Variants in CYFIP2 observed in about 807,000 individuals in gnomAD.
CYFIP2 encodes cytoplasmic FMR1-interacting protein 2.
CYFIP2 carries 29 observed loss-of-function variants against 158.7 expected under a neutral mutation model. That is an observed-to-expected ratio of 0.18 (90% CI 0.14 to 0.25). The LOEUF is 0.25. CYFIP2 is among the 10% of genes least tolerant of loss of function. The pLI is 1.00. For missense variants in CYFIP2, 852 were observed against 1,639.5 expected (o/e 0.52, Z 8.29); for synonymous variants, 585 against 617.6 (o/e 0.95, Z 0.78).
Position 157,309,809 on chromosome 5 carries a change from G to A in CYFIP2, c.967G>A (p.Ala323Thr), listed in dbSNP as rs766783609. The change falls in exon 10 of 31, where the codon GCT becomes ACT. Residue 323 changes from alanine to threonine, a missense_variant. This residue lies in a region of CYFIP2 where 133 missense variants were observed against 197.1 expected (regional missense o/e 0.67). Coordinates refer to ENST00000620254, the MANE Select transcript of CYFIP2 (RefSeq NM_001037333.3). Reference sequence around the variant, plus strand: ...GCTGGCCAGATACATTAAGACCAGTGCTCACTATGAAGAGAACAAGTCCAA... The same window carrying A: ...GCTGGCCAGATACATTAAGACCAGTACTCACTATGAAGAGAACAAGTCCAA... ...IELARYIKTS[A>T]HYEENKSKWT... is the part of the protein sequence containing the mutation. 2 of 1,603,106 alleles carry A rather than the reference G, an allele frequency of 1.2e-6. No homozygotes were observed. Among genetic ancestry groups the A allele is most frequent in the Non-Finnish European group, 1.7e-6 (2 of 1,175,004 alleles).
chr5:157,383,480 A>G (rs914074578), intron 28 of CYFIP2, 121 bp downstream of exon 28: 39 of 864,574 alleles, frequency 4.5e-5, no homozygotes, highest in Non-Finnish European at 6.5e-5. Context: ...ACAATGTCCA[A>G]TACCCAAAAA....
chr5:157,268,184 C>T (rs1384088034), intron 1 of CYFIP2, among the ~76,000 whole-genome samples: 1 of 152,256 alleles, frequency 6.6e-6, no homozygotes, highest in African/African-American at 2.4e-5. Flanking sequence ...CATTAGCTCT[C>T]TGCTCACTAA....
chr5:157,376,788 T>C (rs1046885217), intron 26 of CYFIP2: 3 of 420,452 alleles, frequency 7.1e-6, no homozygotes, highest in Admixed American at 2.5e-5. Flanking sequence ...TCCCCTGGGG[T>C]CAGCCTCCAT....
At chr5:157,390,422 T>G (rs1049822600) in intron 29 of CYFIP2, 99 bp from the exon 30 acceptor site, 5 of 1,198,902 alleles carry the variant, frequency 4.2e-6, no homozygotes, top group African/African-American at 3.1e-5. Flanking sequence ...AAGACAGGCC[T>G]GCTTAGTAGC....
intron 26 of CYFIP2, among the ~76,000 whole-genome samples, chr5:157,362,331 C>T (rs1763912303): frequency 1.3e-5 from 2 of 151,884 alleles, no homozygotes; most frequent in South Asian, 4.1e-4. Flanking sequence ...GCCAGCACAT[C>T]TGTTTGGTGT....
intron 22 of CYFIP2, among the ~76,000 whole-genome samples, chr5:157,340,430 A>G (rs895553082): frequency 3.3e-5 from 5 of 152,238 alleles, no homozygotes; most frequent in South Asian, 2.1e-4. Context: ...GGGAGCAGCA[A>G]ACTGTGGCTC....
chr5:157,304,470 A>G (rs1759049033), intron 8 of CYFIP2, 104 bp downstream of exon 8: 3 of 1,324,056 alleles, frequency 2.3e-6, no homozygotes, highest in Non-Finnish European at 3.1e-6. Flanking sequence ...TTTCTTAAAC[A>G]TTGATACAGA....
intron 8 of CYFIP2, among the ~76,000 whole-genome samples, chr5:157,307,216 G>A (rs1329422941): frequency 6.6e-6 from 1 of 152,172 alleles, no homozygotes; most frequent in African/African-American, 2.4e-5. Context: ...AGAAAGAGGT[G>A]GATACTTTCA....
intron 23 of CYFIP2, 139 bp from the exon 24 acceptor site, chr5:157,358,866 C>T: frequency 4.4e-6 from 5 of 1,129,442 alleles, no homozygotes; most frequent in Non-Finnish European, 6.5e-6. Context: ...CACCATTTTG[C>T]AAACATATTC....
Position 157,394,474 on chromosome 5 carries a change from T to C in CYFIP2, c.*1474T>C, listed in dbSNP as rs539203238. 2.6e-5 allele frequency: 4 copies of C among 152,360 alleles called. No homozygotes were observed. Among genetic ancestry groups the C allele is most frequent in the African/African-American group, 9.6e-5 (4 of 41,586 alleles). The allele number at this position is 152,360 out of a possible 1,614,324, so 9.4% of individuals were successfully genotyped here. On this transcript the variant is annotated 3_prime_UTR_variant, in exon 31 of 31. Transcript: ENST00000620254. The stretch of plus-strand genomic sequence containing the variant: ...GCAAGAGGTTTGTGTGATGCACTTA[T>C]GTCCTCCGGTGAGGAAAGGGGGCCA...
chr5:157,362,735 A>G (rs2113374819), intron 26 of CYFIP2: 1 of 152,398 alleles, frequency 6.6e-6, no homozygotes, highest in Middle Eastern at 3.4e-3. Context: ...TGTTACAGCA[A>G]GAGCTAGGAG....
Position 157,389,145 on chromosome 5 carries a change from C to G in CYFIP2, c.3208-44C>G, listed in dbSNP as rs1251855463. ...TCTGTGGTGGGAGGTGGCAGATGGGCTCTAAGATGTGGATAGAAGGTGTAT... is the reference window on the plus strand; with the variant it reads ...TCTGTGGTGGGAGGTGGCAGATGGGGTCTAAGATGTGGATAGAAGGTGTAT... On this transcript the variant is annotated intron_variant, in intron 28 of 30. Coordinates refer to ENST00000620254, the MANE Select transcript of CYFIP2 (RefSeq NM_001037333.3). 1.9e-6 allele frequency: 3 copies of G among 1,540,772 alleles called. No individual in the cohort carries two copies. In the African/African-American group the frequency reaches 4.1e-5, roughly 21 times the overall value.
At chr5:157,305,031 C>A (rs1296382204) in intron 8 of CYFIP2, among the ~76,000 whole-genome samples, 4 of 152,200 alleles carry the variant, frequency 2.6e-5, no homozygotes, top group Non-Finnish European at 4.4e-5. Context: ...CCTGCTGTTA[C>A]TTAGAATAAT....
chr5:157,311,864 C>T lies in CYFIP2; in HGVS notation c.1110+83C>T. The T allele has an allele frequency of 7.8e-7, 1 of 1,279,322 alleles. No individual in the cohort carries two copies. Among genetic ancestry groups the T allele is most frequent in the Non-Finnish European group, 1.1e-6 (1 of 906,686 alleles). 79.2% of individuals were successfully genotyped at this position (1,279,322 alleles called of 1,614,324 possible). Reference sequence around the variant, plus strand: ...GAGCAGCCAGGAAAGAACATGGACCCACGGAACACTGGAGAGTAGAAGGGA... The same window carrying T: ...GAGCAGCCAGGAAAGAACATGGACCTACGGAACACTGGAGAGTAGAAGGGA... On this transcript the variant is annotated intron_variant, in intron 11 of 30. Transcript: ENST00000620254. This position sits in a 1 kb window ranked among gnomAD's most constrained non-coding sequence, Gnocchi z 4.7.
chr5:157,382,743 C>G (rs974025793), intron 27 of CYFIP2, 81 bp downstream of exon 27: 6 of 1,392,134 alleles, frequency 4.3e-6, no homozygotes, highest in Non-Finnish European at 6.0e-6. Flanking sequence ...CAACTCAGAT[C>G]TAGTCAGCAA....
chr5:157,285,292 T>C, intron 1 of CYFIP2, 47 bp from the exon 2 acceptor site: 1 of 1,329,800 alleles, frequency 7.5e-7, no homozygotes, highest in Non-Finnish European at 1.1e-6. Context: ...AGAGGAATTT[T>C]AGAGGCCCCT....
intron 22 of CYFIP2, among the ~76,000 whole-genome samples, chr5:157,340,363 T>C (rs918938083): frequency 2.6e-5 from 4 of 152,244 alleles, no homozygotes; most frequent in Admixed American, 2.6e-4. Flanking sequence ...ATCCACACAC[T>C]AAGTGAGATA....
Position 157,389,344 on chromosome 5 carries a change from T to C in CYFIP2, c.3363T>C (p.Asp1121=), listed in dbSNP as rs199725841. 2 of 1,613,940 alleles carry C rather than the reference T, an allele frequency of 1.2e-6. No homozygotes were observed. The change falls in exon 29 of 31, where the codon GAT becomes GAC. Residue 1121 remains aspartate, a synonymous_variant. Transcript: ENST00000620254. ...PPPTNGVMHV[D]ECVEFHRLWS... ...CCACCAATGGCGTCATGCACGTCGA[T>C]GAGTGTGTGGAGTTCCACCGGCTGT...
At position 157,383,733 on chromosome 5, in the gene CYFIP2, C is replaced by T. The variant is rs143849797; in HGVS notation, c.3207+374C>T. ...ATACTTTTGCTAAAGAAACACTTAACGGAACACTAGATGCTTATGTAACAT... is the reference window on the plus strand; with the variant it reads ...ATACTTTTGCTAAAGAAACACTTAATGGAACACTAGATGCTTATGTAACAT... On this transcript the variant is annotated intron_variant, in intron 28 of 30. Transcript: ENST00000620254. 2.8e-3 allele frequency among the ~76,000 whole-genome samples: 426 copies of T among 152,284 alleles called. 5 individuals carry two copies. The highest frequency in any genetic ancestry group is 0.025 in the East Asian group (132 of 5,196).
Sources: gnomAD v4.1 joint callset for allele counts (sites outside exome capture counted in the v4.1 genomes callset) on GRCh38, gnomAD v4.1.1 for gene constraint, gnomAD v4.1.1 regional missense constraint, Gnocchi (gnomAD v3.1) non-coding constraint, MANE v1.5 for transcripts, NCBI Gene and HGNC (gene_info 2026-07-23, HGNC 2026-07-21) for gene names.